EML5: variants seen among roughly 807,000 people sequenced by gnomAD.
EML5 encodes EMAP like 5.
A neutral mutation model predicts 250.0 loss-of-function variants in EML5; 120 were observed. The observed-to-expected ratio is 0.48, with a 90% CI of 0.41 to 0.56. The LOEUF (loss-of-function observed/expected upper bound fraction) is 0.56, where lower values mean the gene tolerates loss of function less well. EML5 is among the 20% of genes least tolerant of loss of function. EML5 has a pLI of 0.00. For synonymous variants in EML5, 771 were observed against 806.5 expected, an observed-to-expected ratio of 0.96 and a Z score of 0.75; for missense variants, 2,006 against 2,437.6, an observed-to-expected ratio of 0.82 and a Z score of 3.73.
chr14:88,638,973 C>A, intron 31 of EML5, 66 bp from the exon 32 acceptor site: 1 of 1,228,594 alleles, frequency 8.1e-7, no homozygotes, highest in Admixed American at 2.4e-5. Context: ...AGCACTTACC[C>A]AGAACAATAA....
chr14:88,727,625 C>T (rs1042655531), intron 7 of EML5, among the ~76,000 whole-genome samples: 1 of 152,016 alleles, frequency 6.6e-6, no homozygotes, highest in African/African-American at 2.4e-5. Context: ...CTCAAACTCC[C>T]AACCTCTGGT....
intron 14 of EML5, among the ~76,000 whole-genome samples, chr14:88,699,281 T>G (rs1442288192): frequency 6.6e-6 from 1 of 152,122 alleles, no homozygotes. Flanking sequence ...AAATTCTATC[T>G]ATCTCAGAAG....
intron 3 of EML5, among the ~76,000 whole-genome samples, chr14:88,745,068 A>T (rs984616880): frequency 2.6e-5 from 4 of 152,126 alleles, no homozygotes; most frequent in African/African-American, 9.6e-5. Context: ...ATAAATTCCA[A>T]ATAGTCATGT....
intron 8 of EML5, among the ~76,000 whole-genome samples, chr14:88,718,119 T>C (rs1384463794): frequency 1.3e-5 from 2 of 152,158 alleles, no homozygotes; most frequent in Non-Finnish European, 2.9e-5. Flanking sequence ...AATGGTGCCA[T>C]TAACTAGGAT....
rs750966241 is a variant in EML5 at position 88,685,094 on chromosome 14, T to C, written c.2903A>G (p.His968Arg). 2.5e-6 allele frequency: 4 copies of C among 1,610,816 alleles called. No individual in the cohort carries two copies. The highest frequency in any genetic ancestry group is 1.1e-5 in the South Asian group (1 of 90,654). Residue 968 changes from histidine to arginine, a missense_variant, in exon 20 of 44, where the codon CAT (histidine) becomes CGT (arginine). By Grantham distance (29) the His-to-Arg change is conservative. This residue lies in a region of EML5 where 1,375 missense variants were observed against 1,590.3 expected (regional missense o/e 0.86). Coordinates refer to ENST00000554922, the MANE Select transcript of EML5 (RefSeq NM_183387.3). ...NPSIRAISLG[H>R]GHILVGTKNG... ...CTTTGTGCCAACTAAAATATGACCA[T>C]GTCCTAATGATATGGCACGTATAGA... is the stretch of plus-strand genomic sequence containing the variant.
chr14:88,782,072 A>G (rs1353260686), intron 1 of EML5, among the ~76,000 whole-genome samples: 1 of 152,224 alleles, frequency 6.6e-6, no homozygotes, highest in East Asian at 1.9e-4. Flanking sequence ...AAGATGTGGG[A>G]AAGTCTGTAA....
intron 10 of EML5, among the ~76,000 whole-genome samples, chr14:88,709,569 G>C (rs2093371490): frequency 1.3e-5 from 2 of 152,122 alleles, no homozygotes; most frequent in Admixed American, 1.3e-4. Context: ...CACCAACTGG[G>C]TTTGCAAAAG....
intron 14 of EML5, among the ~76,000 whole-genome samples, chr14:88,701,473 C>G (rs1316397249): frequency 6.6e-6 from 1 of 151,946 alleles, no homozygotes; most frequent in Non-Finnish European, 1.5e-5. Context: ...TAGCACATTT[C>G]TTGGTACATA....
intron 21 of EML5, among the ~76,000 whole-genome samples, chr14:88,671,956 G>C (rs1202736176): frequency 1.3e-5 from 2 of 152,004 alleles, no homozygotes; most frequent in Admixed American, 6.5e-5. Context: ...AATAATAGTG[G>C]GAGACTTTAA....
intron 8 of EML5, among the ~76,000 whole-genome samples, chr14:88,723,655 A>C (rs999840052): frequency 2.0e-5 from 3 of 152,238 alleles, no homozygotes; most frequent in Non-Finnish European, 4.4e-5. Context: ...AACTAGCTTG[A>C]TGTAATCATT....
chr14:88,767,344 G>A (rs964691803), intron 1 of EML5, among the ~76,000 whole-genome samples: 2 of 152,132 alleles, frequency 1.3e-5, no homozygotes, highest in Non-Finnish European at 2.9e-5. Context: ...GCACAGAAGT[G>A]AGTCAACTAT....
intron 36 of EML5, 69 bp from the exon 37 acceptor site, chr14:88,622,787 C>A: frequency 2.7e-6 from 3 of 1,096,180 alleles, no homozygotes; most frequent in South Asian, 2.1e-5. Context: ...TAAACAAATA[C>A]CAAGTTATAA....
At chr14:88,686,467 T>C (rs2092835508) in intron 19 of EML5, among the ~76,000 whole-genome samples, 2 of 151,916 alleles carry the variant, frequency 1.3e-5, no homozygotes, top group Non-Finnish European at 2.9e-5. Context: ...GCCCGGAGGA[T>C]GGTCGGCGGA....
In EML5 at chr14:88,792,674, C is replaced by A; in HGVS notation, c.-171G>T. ...TTCGGGGGCCGCCGCCGCCTCAGCC[C>A]ACAGGCGGGAGGAAAACCCTCGCCT... On this transcript the variant is annotated 5_prime_UTR_variant, in exon 1 of 44. Coordinates refer to ENST00000554922, the MANE Select transcript of EML5 (RefSeq NM_183387.3). The surrounding 1 kb of genome is among the most constrained non-coding windows in gnomAD (Gnocchi z 6.9). 2 of 1,140,536 alleles carry A rather than the reference C, an allele frequency of 1.8e-6. No individual in the cohort carries two copies. Among genetic ancestry groups the A allele is most frequent in the Non-Finnish European group, 1.1e-6 (1 of 930,662 alleles). 70.7% of individuals were successfully genotyped at this position (1,140,536 alleles called of 1,614,324 possible).
At chr14:88,700,904 C>T (rs2093194864) in intron 14 of EML5, among the ~76,000 whole-genome samples, 2 of 152,110 alleles carry the variant, frequency 1.3e-5, no homozygotes, top group Non-Finnish European at 2.9e-5. Context: ...GTCCATAATG[C>T]ATTCTAAGAT....
intron 1 of EML5, among the ~76,000 whole-genome samples, chr14:88,762,147 T>C (rs1327258231): frequency 6.6e-6 from 1 of 151,892 alleles, no homozygotes; most frequent in Admixed American, 6.6e-5. Context: ...TTCGCTCTGA[T>C]GATAGTTTAT....
chr14:88,775,898 G>A (rs963434132), intron 1 of EML5, among the ~76,000 whole-genome samples: 8 of 150,438 alleles, frequency 5.3e-5, no homozygotes, highest in Non-Finnish European at 1.2e-4. Context: ...AGCTTTAGGT[G>A]GCTCAGAAGA....
At chr14:88,667,804 TA>T (rs1217145377) in intron 21 of EML5, among the ~76,000 whole-genome samples, 2 of 152,218 alleles carry the variant, frequency 1.3e-5, no homozygotes, top group Admixed American at 6.5e-5. Context: ...ACCATCACTG[TA>T]ATGGCTCTAA....
At chr14:88,656,279 A>G (rs903026038) in intron 27 of EML5, among the ~76,000 whole-genome samples, 7 of 152,214 alleles carry the variant, frequency 4.6e-5, no homozygotes, top group African/African-American at 1.7e-4. Context: ...ACGGAATACT[A>G]TGCAGCCATA....
Sources: gnomAD v4.1 joint callset for allele counts (sites outside exome capture counted in the v4.1 genomes callset) on GRCh38, gnomAD v4.1.1 for gene constraint, gnomAD v4.1.1 regional missense constraint, Gnocchi (gnomAD v3.1) non-coding constraint, MANE v1.5 for transcripts, NCBI Gene and HGNC (gene_info 2026-07-23, HGNC 2026-07-21) for gene names.